Variants in KLHL2 observed in about 807,000 individuals in gnomAD.
The protein encoded by KLHL2 is kelch-like protein 2.
In KLHL2, 15 loss-of-function variants were observed where a neutral mutation model predicts 75.8. The ratio of observed to expected loss-of-function variants is 0.20; its 90% confidence interval spans 0.13 to 0.30. The LOEUF (loss-of-function observed/expected upper bound fraction) is 0.30. Ranked by LOEUF, KLHL2 falls within the 10% of genes least tolerant of loss-of-function variation. KLHL2 has a pLI of 1.00. For synonymous variants in KLHL2, 214 were observed against 251.9 expected, an observed-to-expected ratio of 0.85 and a Z score of 1.42; for missense variants, 381 against 741.0, an observed-to-expected ratio of 0.51 and a Z score of 5.64.
chr4:165,321,192 G>A (rs1746950305), intron 14 of KLHL2: 2 of 451,518 alleles, frequency 4.4e-6, no homozygotes, highest in South Asian at 3.2e-5. Context: ...CCTTAAAGTT[G>A]CACCAAGTGT....
chr4:165,276,453 G>A (rs1364813918), intron 5 of KLHL2, among the ~76,000 whole-genome samples: 3 of 151,864 alleles, frequency 2.0e-5, no homozygotes, highest in Non-Finnish European at 4.4e-5. Flanking sequence ...AGCCCACTGG[G>A]AACCTAGGTA....
chr4:165,253,437 C>G (rs999700844), intron 4 of KLHL2, among the ~76,000 whole-genome samples: 1 of 152,108 alleles, frequency 6.6e-6, no homozygotes, highest in African/African-American at 2.4e-5. Context: ...GGCATAATGA[C>G]AGGAAAAAAA....
intron 5 of KLHL2, chr4:165,278,128 A>G (rs1201726793): frequency 5.8e-6 from 9 of 1,544,632 alleles, no homozygotes; most frequent in South Asian, 1.1e-5. Context: ...ACTTCATCAC[A>G]GCTTTCTTCC....
intron 6 of KLHL2, among the ~76,000 whole-genome samples, chr4:165,295,071 GTTGTAGTCTT>G (rs1056092825): frequency 5.9e-5 from 9 of 152,058 alleles, no homozygotes; most frequent in African/African-American, 1.9e-4. Flanking sequence ...ACTGCTTCTG[GTTGTAGTCTT>G]TTGTCTCTCC....
Position 165,297,644 on chromosome 4 carries a change from C to G in KLHL2, c.690C>G (p.Asp230Glu). 6.2e-7 allele frequency: 1 copy of G among 1,613,440 alleles called. No individual in the cohort carries two copies. Among genetic ancestry groups the G allele is most frequent in the Non-Finnish European group, 8.5e-7 (1 of 1,179,436 alleles). Residue 230 changes from aspartate to glutamate, a missense_variant, in exon 7 of 15, where the codon GAC (aspartate) becomes GAG (glutamate). Physicochemically the swap from Asp to Glu is conservative, Grantham distance 45. Transcript: ENST00000226725. ...FEAVIAWVNH[D>E]KDVRQEFMAR... ...CAGTAATAGCATGGGTGAACCATGA[C>G]AAGGATGTGAGGCAAGAGTTTATGG...
In KLHL2 at chr4:165,291,702, C is replaced by A. The variant is rs532284942; in HGVS notation, c.545-2657C>A. Among the ~76,000 whole-genome samples the A allele has an allele frequency of 9.8e-5, 15 of 152,292 alleles. No individual in the cohort carries two copies. The East Asian group carries it at 2.9e-3, about 29-fold the overall frequency. On this transcript the variant is annotated intron_variant, in intron 5 of 14. Transcript: ENST00000226725. ...TCGACCTACAGTCATCCCTTGGTAT[C>A]CACATCCATGGGGTATTGATTCTAG...
chr4:165,223,214 C>T (rs896704120), intron 2 of KLHL2, among the ~76,000 whole-genome samples: 8 of 152,212 alleles, frequency 5.3e-5, no homozygotes, highest in African/African-American at 1.9e-4. Flanking sequence ...TTGGTGAGCA[C>T]CTAATCAGCT....
At chr4:165,311,847 T>TG (rs1746225745) in intron 11 of KLHL2, among the ~76,000 whole-genome samples, 1 of 105,946 alleles carries the variant, frequency 9.4e-6, no homozygotes, top group Non-Finnish European at 2.4e-5. Context: ...GTGTGTGTGT[T>TG]TGACTTATAT....
intron 4 of KLHL2, among the ~76,000 whole-genome samples, chr4:165,241,627 T>C (rs907033645): frequency 7.2e-5 from 11 of 152,226 alleles, no homozygotes; most frequent in Admixed American, 3.3e-4. Flanking sequence ...AGTATAATAT[T>C]GGGCTAGAAA....
chr4:165,317,755 A>T, intron 13 of KLHL2, 71 bp from the exon 14 acceptor site: 4 of 1,168,050 alleles, frequency 3.4e-6, no homozygotes, highest in Non-Finnish European at 5.0e-6. Context: ...TACCTCACTA[A>T]ACATGTACAG....
intron 5 of KLHL2, among the ~76,000 whole-genome samples, chr4:165,264,755 T>TAC (rs1254566509): frequency 1.8e-4 from 16 of 90,932 alleles, no homozygotes; most frequent in South Asian, 3.2e-4. Flanking sequence ...TATATATATA[T>TAC]ATATATATAT....
At chr4:165,251,589 G>A (rs1740699843) in intron 4 of KLHL2, among the ~76,000 whole-genome samples, 2 of 150,706 alleles carry the variant, frequency 1.3e-5, no homozygotes, top group Admixed American at 1.3e-4. Context: ...AGATGGATAC[G>A]AAACCCAAAG....
chr4:165,264,474 T>A (rs1741982057), intron 5 of KLHL2, among the ~76,000 whole-genome samples: 1 of 151,498 alleles, frequency 6.6e-6, no homozygotes, highest in South Asian at 2.1e-4. Context: ...TATGTAGTAT[T>A]TGGTTTTCCA....
chr4:165,208,124 A>G (rs945402414), intron 1 of KLHL2, among the ~76,000 whole-genome samples: 2 of 151,826 alleles, frequency 1.3e-5, no homozygotes, highest in Non-Finnish European at 2.9e-5. Flanking sequence ...TTTCTGGGGA[A>G]GGGTCTTCCC....
intron 13 of KLHL2, 80 bp from the exon 14 acceptor site, chr4:165,317,746 A>G (rs1746690447): frequency 3.0e-6 from 3 of 1,013,440 alleles, no homozygotes; most frequent in Admixed American, 2.3e-5. Context: ...TCTCTGGATT[A>G]CCTCACTAAA....
intron 1 of KLHL2, among the ~76,000 whole-genome samples, chr4:165,209,111 T>G (rs1737034926): frequency 6.6e-6 from 1 of 152,164 alleles, no homozygotes; most frequent in African/African-American, 2.4e-5. Flanking sequence ...TGAATTGGCC[T>G]TCCTGGGCTG....
At chr4:165,275,967 C>CA (rs535341332) in intron 5 of KLHL2, among the ~76,000 whole-genome samples, 44,397 of 144,694 alleles carry the variant, frequency 0.31, 6,955 homozygotes, top group African/African-American at 0.39. Flanking sequence ...CTAAAAATAC[C>CA]AAAAAAAAAA....
At chr4:165,283,964 G>A (rs987416207) in intron 5 of KLHL2, among the ~76,000 whole-genome samples, 15 of 152,208 alleles carry the variant, frequency 9.9e-5, no homozygotes, top group Non-Finnish European at 1.8e-4. Flanking sequence ...TGGAGGCCAC[G>A]GCCTGAGCTC....
chr4:165,280,729 CTT>C (rs1003331068), intron 5 of KLHL2, among the ~76,000 whole-genome samples: 7 of 152,334 alleles, frequency 4.6e-5, no homozygotes, highest in African/African-American at 1.7e-4. Flanking sequence ...TTATGGTCCT[CTT>C]TATTCCTTAG....
Sources: allele counts gnomAD v4.1 joint callset (sites outside exome capture counted in the v4.1 genomes callset), GRCh38; gene constraint gnomAD v4.1.1; transcripts MANE v1.5; gene names NCBI Gene and HGNC (gene_info 2026-07-23, HGNC 2026-07-21).